The following ZNF169 variants were observed in gnomAD, a reference collection of about 807,000 sequenced individuals.
ZNF169 encodes the protein zinc finger protein 169.
In ZNF169, 11 loss-of-function variants were observed where a neutral mutation model predicts 12.0. The observed-to-expected ratio is 0.92, with a 90% CI of 0.58 to 1.52. ZNF169 has a LOEUF of 1.52. Ranked by LOEUF, ZNF169 falls within the 40% of genes most tolerant of loss-of-function variation. The pLI is 0.00. For missense variants in ZNF169, 722 were observed against 744.0 expected, an observed-to-expected ratio of 0.97 and a Z score of 0.34; for synonymous variants, 302 against 286.5, an observed-to-expected ratio of 1.05 and a Z score of -0.55.
chr9:94,283,845 G>A (rs1830679103), intron 2 of ZNF169, among the ~76,000 whole-genome samples: 1 of 151,922 alleles, frequency 6.6e-6, no homozygotes, highest in Non-Finnish European at 1.5e-5. Context: ...GAGACTGGTG[G>A]ATCACCTGAG....
chr9:94,285,971 A>G (rs1317962829), intron 2 of ZNF169, among the ~76,000 whole-genome samples: 2 of 152,038 alleles, frequency 1.3e-5, no homozygotes, highest in Non-Finnish European at 2.9e-5. Flanking sequence ...AGATCACACC[A>G]TTGCACTCCA....
At chr9:94,280,096 A>G (rs1053574620) in intron 2 of ZNF169, among the ~76,000 whole-genome samples, 1 of 152,208 alleles carries the variant, frequency 6.6e-6, no homozygotes, top group African/African-American at 2.4e-5. Flanking sequence ...AAATATGTCA[A>G]GTGTAGAATG....
In ZNF169 at chr9:94,300,129, A is replaced by G. The variant is rs1479739130; in HGVS notation, c.571A>G (p.Arg191Gly). The part of the protein sequence containing the change: ...EGGTDLRLAQ[R>G]MSLGGSDTML... ...AGGAACAGACCTTCGCCTGGCCCAAAGGATGAGTCTTGGGGGGTCAGACAC... is the reference window on the plus strand; with the variant it reads ...AGGAACAGACCTTCGCCTGGCCCAAGGGATGAGTCTTGGGGGGTCAGACAC... Residue 191 changes from arginine (R) to glycine (G), a missense_variant, in exon 5 of 5, where the codon AGG becomes GGG. Arg to Gly is a moderately radical substitution (Grantham distance 125, BLOSUM62 -2). Coordinates refer to ENST00000395395, the MANE Select transcript of ZNF169 (RefSeq NM_194320.4). 6.2e-7 allele frequency: 1 copy of G among 1,614,222 alleles called. No homozygotes were observed. Among genetic ancestry groups the G allele is most frequent in the East Asian group, 2.2e-5 (1 of 44,880 alleles).
Position 94,269,562 on chromosome 9 carries a change from C to T in ZNF169, c.-55-9196C>T, listed in dbSNP as rs567840579. The stretch of plus-strand genomic sequence containing the variant: ...GCCAGCCACTGAAAGCGGCACTCTC[C>T]TTATCTCCTGGCTAGCTCACCAAAT... On this transcript the variant is annotated intron_variant, in intron 1 of 4. Coordinates refer to ENST00000395395, the MANE Select transcript of ZNF169 (RefSeq NM_194320.4). Among the ~76,000 whole-genome samples, 5 of 152,338 alleles carry T rather than the reference C, an allele frequency of 3.3e-5. No individual in the cohort carries two copies. In the East Asian group the frequency reaches 9.6e-4, roughly 29 times the overall value.
intron 1 of ZNF169, among the ~76,000 whole-genome samples, chr9:94,273,771 G>A (rs1830471294): frequency 6.6e-6 from 1 of 151,770 alleles, no homozygotes; most frequent in African/African-American, 2.4e-5. Flanking sequence ...AGTAGAGATG[G>A]GGTTTCACCG....
rs1332048706 is a variant in ZNF169 at position 94,278,811 on chromosome 9, A to G, written c.-2A>G. 1.9e-6 allele frequency: 3 copies of G among 1,613,698 alleles called. No individual in the cohort carries two copies. Among genetic ancestry groups the G allele is most frequent in the Non-Finnish European group, 1.7e-6 (2 of 1,179,818 alleles). ...AGGAAGAGTACTCCAGAGAGCAGGG[A>G]TATGTCACCAGGACTCCTGACAACC... On this transcript the variant is annotated 5_prime_UTR_variant, in exon 2 of 5. Coordinates refer to ENST00000395395, the MANE Select transcript of ZNF169 (RefSeq NM_194320.4).
In ZNF169 at chr9:94,301,156, A is replaced by G. The variant is rs758561079; in HGVS notation, c.1598A>G (p.Gln533Arg). The change falls in exon 5 of 5, where the codon CAA (glutamine) becomes CGA (arginine). Residue 533 changes from glutamine (Q) to arginine (R), a missense_variant. Gln to Arg is a conservative substitution (Grantham distance 43, BLOSUM62 1). Coordinates refer to ENST00000395395, the MANE Select transcript of ZNF169 (RefSeq NM_194320.4). ...LGQKSHLISD[Q>R]RTHSGEKPCI... ...CAGAAGTCACACCTTATCTCTGACC[A>G]AAGGACACACTCAGGAGAGAAGCCC... 4 of 1,614,118 alleles carry G rather than the reference A, an allele frequency of 2.5e-6. No individual in the cohort carries two copies. The highest frequency in any genetic ancestry group is 3.4e-6 in the Non-Finnish European group (4 of 1,180,056).
intron 1 of ZNF169, among the ~76,000 whole-genome samples, chr9:94,276,013 A>T (rs954213008): frequency 4.0e-5 from 6 of 151,880 alleles, no homozygotes; most frequent in African/African-American, 1.2e-4. Context: ...ACCTCAAGTG[A>T]TACACCCGCC....
intron 1 of ZNF169, 94 bp downstream of exon 1, chr9:94,259,439 TG>T (rs1254252859): frequency 3.9e-5 from 6 of 152,562 alleles, no homozygotes; most frequent in Admixed American, 3.9e-4. Flanking sequence ...AAAGCTGGCA[TG>T]GGCAGTCCAT....
intron 2 of ZNF169, among the ~76,000 whole-genome samples, chr9:94,290,101 C>T (rs868742595): frequency 5.9e-5 from 9 of 151,992 alleles, no homozygotes; most frequent in South Asian, 2.1e-4. Context: ...TTGGTCATAT[C>T]GATAGGCTAA....
intron 1 of ZNF169, among the ~76,000 whole-genome samples, chr9:94,269,776 T>C (rs569842625): frequency 6.6e-6 from 1 of 152,322 alleles, no homozygotes; most frequent in African/African-American, 2.4e-5. Context: ...AAGCTATATG[T>C]CTACATGTAA....
rs138361295 is a variant in ZNF169 at position 94,292,607 on chromosome 9, T to TTGTGTGTGTGTGTGTGTGTG, written c.160+155_160+174dup. On this transcript the variant is annotated intron_variant, in intron 3 of 4. Transcript: ENST00000395395. ...AGAATGCCTGGCTTTCACAGTGCAG[T>TTGTGTGTGTGTGTGTGTGTG]TGTGTGTGTGTGTGTGTGTGTGTGT... The TTGTGTGTGTGTGTGTGTGTG allele has an allele frequency of 2.1e-4, 144 of 678,886 alleles. 1 individual carries two copies. The East Asian group carries it at 3.1e-3, about 15-fold the overall frequency. The allele number at this position is 678,886 out of a possible 1,614,324, so 42.1% of individuals were successfully genotyped here.
At position 94,270,736 on chromosome 9, in the gene ZNF169, A is replaced by G. The variant is rs1242655082; in HGVS notation, c.-55-8022A>G. Among the ~76,000 whole-genome samples the G allele has an allele frequency of 2.4e-4, 4 of 16,984 alleles. 1 individual carries two copies. The highest frequency in any genetic ancestry group is 9.5e-4 in the Non-Finnish European group (4 of 4,196). 11.1% of individuals were successfully genotyped at this position (16,984 alleles called of 152,430 possible). On this transcript the variant is annotated intron_variant, in intron 1 of 4. Transcript: ENST00000395395. The stretch of plus-strand genomic sequence containing the variant: ...AATATATAATATTATATATTATATA[A>G]TTAATGTATTTATATAATATATAAA...
chr9:94,296,922 C>A, intron 4 of ZNF169: 2 of 424,292 alleles, frequency 4.7e-6, no homozygotes, highest in Non-Finnish European at 9.3e-6. Flanking sequence ...TGGTGCGCAC[C>A]TGTAATCACA....
In ZNF169 at chr9:94,265,306, G is replaced by A. The variant is rs1830273896; in HGVS notation, c.-56+5961G>A. ...TCAAAATTACAAAGTTTTGCCAGGC[G>A]CAGTGGCTCATGTCTGTAATCCCAG... On this transcript the variant is annotated intron_variant, in intron 1 of 4. Transcript: ENST00000395395. 2.6e-5 allele frequency among the ~76,000 whole-genome samples: 4 copies of A among 152,004 alleles called. 1 individual carries two copies. The highest frequency in any genetic ancestry group is 2.1e-4 in the South Asian group (1 of 4,828).
chr9:94,292,910 G>T, intron 3 of ZNF169, 64 bp from the exon 4 acceptor site: 1 of 1,455,936 alleles, frequency 6.9e-7, no homozygotes, highest in Non-Finnish European at 9.4e-7. Context: ...TTGGCTCTGA[G>T]TTCTGAGATA....
intron 1 of ZNF169, among the ~76,000 whole-genome samples, chr9:94,274,981 G>A (rs1282837745): frequency 6.6e-6 from 1 of 152,166 alleles, no homozygotes; most frequent in East Asian, 1.9e-4. Flanking sequence ...TTTATGCCTT[G>A]TAATCCCAGT....
At position 94,300,464 on chromosome 9, in the gene ZNF169, A is replaced by T; in HGVS notation, c.906A>T (p.Thr302=). ...CRECGRHFRY[T]SSLTNHKRIH... ...AATGTGGGCGACACTTCAGGTATAC[A>T]TCCTCTCTCACTAATCACAAGAGGA... The change falls in exon 5 of 5, where the codon ACA becomes ACT. Residue 302 remains threonine (T), a synonymous_variant. Transcript: ENST00000395395. The T allele has an allele frequency of 6.2e-7, 1 of 1,614,006 alleles. No homozygotes were observed.
In ZNF169 at chr9:94,300,845, T is replaced by G; in HGVS notation, c.1287T>G (p.Pro429=). 5.0e-6 allele frequency: 8 copies of G among 1,611,130 alleles called. No individual in the cohort carries two copies. The highest frequency in any genetic ancestry group is 6.8e-6 in the Non-Finnish European group (8 of 1,179,112). Residue 429 remains proline, a synonymous_variant, in exon 5 of 5, where the codon CCT becomes CCG. Transcript: ENST00000395395. Reference sequence around the variant, plus strand: ...AGAGGACACACACAGGGGAGAAGCCTTACCTGTGCCCCCAGTGTGGGCGGG... The same window carrying G: ...AGAGGACACACACAGGGGAGAAGCCGTACCTGTGCCCCCAGTGTGGGCGGG... ...RHQRTHTGEK[P]YLCPQCGRGF...
Sources: gnomAD v4.1 joint callset for allele counts (sites outside exome capture counted in the v4.1 genomes callset) on GRCh38, gnomAD v4.1.1 for gene constraint, MANE v1.5 for transcripts, NCBI Gene and HGNC (gene_info 2026-07-23, HGNC 2026-07-21) for gene names.